The following WDPCP variants were observed in gnomAD, a reference collection of about 807,000 sequenced individuals.
The protein encoded by WDPCP is WD repeat-containing and planar cell polarity effector protein fritz homolog.
Under a neutral mutation model 93.1 loss-of-function variants are expected in WDPCP, and 71 were observed. The ratio of observed to expected loss-of-function variants is 0.76; its 90% CI spans 0.63 to 0.93. WDPCP has a LOEUF of 0.93. Among genes scored for constraint, WDPCP ranks in the 40% least tolerant of loss-of-function variants. WDPCP has a pLI of 0.00. For missense variants in WDPCP, 844 were observed against 887.4 expected, an observed-to-expected ratio of 0.95 and a Z score of 0.62; for synonymous variants, 315 against 315.0, an observed-to-expected ratio of 1.00 and a Z score of 0.00.
chr2:63,650,179 G>C (rs1426235869), intron 3 of WDPCP, among the ~76,000 whole-genome samples: 4 of 152,200 alleles, frequency 2.6e-5, no homozygotes, highest in Non-Finnish European at 1.5e-5. Flanking sequence ...GATTTGTTCA[G>C]TACAGTAGTT....
At chr2:63,309,738 A>G (rs941816844) in intron 13 of WDPCP, among the ~76,000 whole-genome samples, 7 of 152,202 alleles carry the variant, frequency 4.6e-5, no homozygotes, top group East Asian at 3.8e-4. Flanking sequence ...GATAGACATC[A>G]AAGTATCTTC....
intron 14 of WDPCP, among the ~76,000 whole-genome samples, chr2:63,238,948 T>C (rs1169015066): frequency 6.6e-6 from 1 of 152,120 alleles, no homozygotes; most frequent in Non-Finnish European, 1.5e-5. Flanking sequence ...GACATAAATA[T>C]TCCTACCAGG....
the WDPCP span, among the ~76,000 whole-genome samples, chr2:63,838,661 T>C: frequency 6.6e-6 from 1 of 152,028 alleles, no homozygotes. Flanking sequence ...ATCATGCACC[T>C]TGAAGGGATA....
At position 63,696,820 on chromosome 2, in the gene WDPCP, G is replaced by C. The variant is rs370949897; in HGVS notation, n.309-45982C>G. 6.6e-5 allele frequency among the ~76,000 whole-genome samples: 10 copies of C among 152,194 alleles called. 1 individual carries two copies. The East Asian group carries it at 7.7e-4, about 12-fold the overall frequency. The stretch of plus-strand genomic sequence containing the variant: ...CTGGCTGATGCCAGAAAGTCTGAAT[G>C]GTTTCTCAGTAGCAGCCTTCCAGGC... On this transcript the variant is annotated intron_variant and non_coding_transcript_variant, in intron 2 of 4. Transcript: ENST00000467687.
intron 9 of WDPCP, among the ~76,000 whole-genome samples, chr2:63,418,964 T>C (rs1021132898): frequency 1.2e-4 from 19 of 152,184 alleles, no homozygotes; most frequent in African/African-American, 4.3e-4. Flanking sequence ...TCCAGTGTTT[T>C]GTTTTTCTTG....
chr2:63,805,975 C>T (rs957569767), intron 2 of WDPCP, among the ~76,000 whole-genome samples: 6 of 152,104 alleles, frequency 3.9e-5, no homozygotes, highest in Admixed American at 6.6e-5. Context: ...CAAAAATTAG[C>T]CAGGCGTGGT....
At chr2:63,232,128 AGGT>A (rs1264487440) in intron 14 of WDPCP, among the ~76,000 whole-genome samples, 2 of 152,238 alleles carry the variant, frequency 1.3e-5, no homozygotes, top group Non-Finnish European at 2.9e-5. Flanking sequence ...GGCTAGCCAT[AGGT>A]AGAAAGCTGA....
At chr2:63,648,750 A>G (rs539454442) in intron 3 of WDPCP, among the ~76,000 whole-genome samples, 1 of 152,316 alleles carries the variant, frequency 6.6e-6, no homozygotes, top group Non-Finnish European at 1.5e-5. Context: ...TTAAATGCCC[A>G]TAACTGAATC....
chr2:63,494,067 T>G (rs1575523142), intron 1 of WDPCP, among the ~76,000 whole-genome samples: 1 of 152,146 alleles, frequency 6.6e-6, no homozygotes, highest in East Asian at 1.9e-4. Flanking sequence ...TACATTTATT[T>G]GACCTCAATG....
chr2:63,595,412 C>A (rs774742598), intron 3 of WDPCP: 14 of 1,546,180 alleles, frequency 9.1e-6, no homozygotes, highest in Non-Finnish European at 1.3e-5. Flanking sequence ...GCTGTCCTTG[C>A]TATTTGGTAG....
chr2:63,575,715 A>G (rs1228047313), intron 1 of WDPCP, among the ~76,000 whole-genome samples: 5 of 150,964 alleles, frequency 3.3e-5, no homozygotes, highest in Non-Finnish European at 7.4e-5. Context: ...CTTATTTACT[A>G]TATGATATAG....
At chr2:63,625,018 T>G (rs1709795506) in intron 3 of WDPCP, among the ~76,000 whole-genome samples, 1 of 152,160 alleles carries the variant, frequency 6.6e-6, no homozygotes, top group Non-Finnish European at 1.5e-5. Flanking sequence ...ACAAGGCTGG[T>G]TCCACATATG....
At chr2:63,585,890 G>A (rs1480185747) in intron 1 of WDPCP, among the ~76,000 whole-genome samples, 2 of 144,974 alleles carry the variant, frequency 1.4e-5, no homozygotes, top group Non-Finnish European at 3.0e-5. Context: ...AGGCTGGGGT[G>A]CAGTGATGCC....
chr2:63,220,767 A>C (rs1261475685), intron 14 of WDPCP, among the ~76,000 whole-genome samples: 1 of 152,084 alleles, frequency 6.6e-6, no homozygotes, highest in African/African-American at 2.4e-5. Context: ...TACATAGGTA[A>C]ACATGTGCCA....
rs1042880758 is a variant in WDPCP at position 63,756,605 on chromosome 2, A to G, written n.308+57017T>C. On this transcript the variant is annotated intron_variant and non_coding_transcript_variant, in intron 2 of 4. Coordinates refer to the WDPCP transcript ENST00000467687. ...CTTGACTCTATCATTTATTAGCTTT[A>G]TCATATCATTTAATATATGGGCAAG... Among the ~76,000 whole-genome samples, 5 of 152,166 alleles carry G rather than the reference A, an allele frequency of 3.3e-5. No individual in the cohort carries two copies. In the East Asian group the frequency reaches 9.6e-4, roughly 29 times the overall value.
intron 2 of WDPCP, among the ~76,000 whole-genome samples, chr2:63,804,412 C>T (rs963407190): frequency 3.3e-5 from 5 of 151,782 alleles, no homozygotes; most frequent in African/African-American, 4.8e-5. Context: ...CCACCACACC[C>T]GGCTAATTTT....
At chr2:63,679,107 G>A (rs182672784) in intron 2 of WDPCP, among the ~76,000 whole-genome samples, 5 of 152,334 alleles carry the variant, frequency 3.3e-5, no homozygotes, top group African/African-American at 1.2e-4. Context: ...TGTTTCTGCA[G>A]TTGACTCTGG....
chr2:63,243,427 C>T (rs1028806766), intron 14 of WDPCP, among the ~76,000 whole-genome samples: 1 of 151,850 alleles, frequency 6.6e-6, no homozygotes, highest in Non-Finnish European at 1.5e-5. Context: ...GGATATTAGG[C>T]CTTTGTTGTA....
At chr2:63,708,469 G>C (rs556889150) in intron 2 of WDPCP, among the ~76,000 whole-genome samples, 3 of 152,196 alleles carry the variant, frequency 2.0e-5, no homozygotes, top group African/African-American at 7.2e-5. Context: ...TGTTAAGCCC[G>C]TTGGGAAAGC....
Sources: gnomAD v4.1 joint callset for allele counts (sites outside exome capture counted in the v4.1 genomes callset) on GRCh38, gnomAD v4.1.1 for gene constraint, MANE v1.5 for transcripts, NCBI Gene and HGNC (gene_info 2026-07-23, HGNC 2026-07-21) for gene names.